TRIO: variants seen among roughly 807,000 people sequenced by gnomAD.
TRIO encodes the protein trio Rho guanine nucleotide exchange factor.
A neutral mutation model predicts 351.9 loss-of-function variants in TRIO; 58 were observed. That is an observed-to-expected ratio of 0.16 (90% CI 0.13 to 0.21). The LOEUF (loss-of-function observed/expected upper bound fraction) is 0.21. Among genes scored for constraint, TRIO ranks in the 10% least tolerant of loss-of-function variants. The pLI, the probability that TRIO is intolerant of heterozygous loss-of-function variation, is 1.00. For missense variants in TRIO, 3,201 were observed against 4,027.8 expected (o/e 0.79, Z 5.56); for synonymous variants, 1,758 against 1,595.7 (o/e 1.10, Z -2.42).
intron 53 of TRIO, 126 bp from the exon 54 acceptor site, chr5:14,502,444 TCCACTCGCA>T: frequency 1.4e-6 from 1 of 706,332 alleles, no homozygotes; most frequent in East Asian, 2.7e-5. Context: ...CCACCACATC[TCCACTCGCA>T]TGAGCCGTGT....
At chr5:14,203,682 G>A (rs1029484430) in intron 1 of TRIO, among the ~76,000 whole-genome samples, 3 of 152,224 alleles carry the variant, frequency 2.0e-5, no homozygotes. Flanking sequence ...TGGGAATGGA[G>A]CCCTTGACGG....
intron 1 of TRIO, among the ~76,000 whole-genome samples, chr5:14,147,379 C>T (rs1490177969): frequency 6.6e-6 from 1 of 152,128 alleles, no homozygotes; most frequent in Non-Finnish European, 1.5e-5. Flanking sequence ...ATTTTTATTG[C>T]CAATCTATTT....
chr5:14,205,082 G>C (rs1276961388), intron 1 of TRIO, among the ~76,000 whole-genome samples: 1 of 152,190 alleles, frequency 6.6e-6, no homozygotes, highest in Non-Finnish European at 1.5e-5. Flanking sequence ...GGTGCAAAGG[G>C]AAGTGCCCAC....
intron 32 of TRIO, 197 bp from the exon 33 acceptor site, chr5:14,406,373 GGAT>G (rs1378594268): frequency 4.1e-5 from 24 of 592,358 alleles, no homozygotes; most frequent in Middle Eastern, 3.9e-4. Flanking sequence ...GAATCCAACA[GGAT>G]GATATGTTTT....
intron 34 of TRIO, among the ~76,000 whole-genome samples, chr5:14,452,090 C>T (rs1485571178): frequency 2.0e-5 from 3 of 152,238 alleles, no homozygotes; most frequent in Non-Finnish European, 4.4e-5. Flanking sequence ...CACATGTGTG[C>T]ATGTTTGGCT....
chr5:14,209,078 T>C (rs1791716971), intron 1 of TRIO, among the ~76,000 whole-genome samples: 2 of 152,232 alleles, frequency 1.3e-5, no homozygotes, highest in Non-Finnish European at 2.9e-5. Flanking sequence ...ATTTTCTGTT[T>C]CATCTAGTCC....
Position 14,172,150 on chromosome 5 carries a change from G to T in TRIO, c.157+28268G>T, listed in dbSNP as rs185130046. On this transcript the variant is annotated intron_variant, in intron 1 of 56. Coordinates refer to ENST00000344204, the MANE Select transcript of TRIO (RefSeq NM_007118.4). ...GCACTGCAGCATTACTAAGCTGTGA[G>T]TTACTTTTGCTTGAAGTCAGTGTCA... 8.5e-5 allele frequency among the ~76,000 whole-genome samples: 13 copies of T among 152,284 alleles called. No individual in the cohort carries two copies. In the East Asian group the frequency reaches 2.3e-3, roughly 27 times the overall value.
At chr5:14,275,257 G>A (rs1315168937) in intron 2 of TRIO, among the ~76,000 whole-genome samples, 13 of 152,120 alleles carry the variant, frequency 8.5e-5, no homozygotes, top group Non-Finnish European at 1.9e-4. Flanking sequence ...ACTACCAAAT[G>A]TAATTTAGTA....
chr5:14,339,957 T>C (rs1561361659), intron 11 of TRIO, among the ~76,000 whole-genome samples: 2 of 152,268 alleles, frequency 1.3e-5, no homozygotes, highest in African/African-American at 4.8e-5. Flanking sequence ...GAAATCATGC[T>C]AATTTGCTAG....
intron 1 of TRIO, among the ~76,000 whole-genome samples, chr5:14,149,702 T>G (rs1787713743): frequency 6.6e-6 from 1 of 152,236 alleles, no homozygotes. Context: ...CTCTTTTCAT[T>G]AGCCACATGT....
chr5:14,430,859 G>A (rs1365132542), intron 34 of TRIO, among the ~76,000 whole-genome samples: 1 of 152,006 alleles, frequency 6.6e-6, no homozygotes, highest in Non-Finnish European at 1.5e-5. Context: ...GGGACCTCAG[G>A]CACCCGCCAC....
chr5:14,458,748 T>C (rs1390451549), intron 34 of TRIO, among the ~76,000 whole-genome samples: 2 of 152,308 alleles, frequency 1.3e-5, no homozygotes, highest in East Asian at 1.9e-4. Flanking sequence ...ATCTGACATA[T>C]AGATTATCCA....
chr5:14,178,807 C>T (rs996001477), intron 1 of TRIO, among the ~76,000 whole-genome samples: 3 of 152,178 alleles, frequency 2.0e-5, no homozygotes, highest in African/African-American at 7.2e-5. Context: ...AGAGTGGTCA[C>T]AGGGGTGCTG....
chr5:14,463,539 T>C (rs1053722266), intron 36 of TRIO, among the ~76,000 whole-genome samples: 1 of 152,172 alleles, frequency 6.6e-6, no homozygotes, highest in Admixed American at 6.5e-5. Context: ...TAAAATTATT[T>C]TGTCAGCCCA....
chr5:14,388,688 GTTTTTT>G lies in TRIO; in HGVS notation c.3948+22_3948+27del. On this transcript the variant is annotated intron_variant, in intron 24 of 56. Coordinates refer to ENST00000344204, the MANE Select transcript of TRIO (RefSeq NM_007118.4). Reference sequence around the variant, plus strand: ...TCCGGGAATGTATGGATGTAAGTAAGTTTTTTTTTTTTTTTTTTGCTTGTTTATTTA... The same window carrying G: ...TCCGGGAATGTATGGATGTAAGTAAGTTTTTTTTTTTTGCTTGTTTATTTA... 5 of 1,440,364 alleles carry G rather than the reference GTTTTTT, an allele frequency of 3.5e-6. No individual in the cohort carries two copies. The highest frequency in any genetic ancestry group is 1.6e-5 in the African/African-American group (1 of 63,216). 89.2% of individuals were successfully genotyped at this position (1,440,364 alleles called of 1,614,324 possible).
chr5:14,492,942 C>T (rs1756598250), intron 49 of TRIO, 128 bp downstream of exon 49: 3 of 1,413,234 alleles, frequency 2.1e-6, no homozygotes, highest in African/African-American at 2.9e-5. Flanking sequence ...TTAGAACAGG[C>T]TCAGCTCTGA....
chr5:14,373,679 G>A (rs946819876), intron 18 of TRIO, among the ~76,000 whole-genome samples: 1 of 152,192 alleles, frequency 6.6e-6, no homozygotes, highest in African/African-American at 2.4e-5. Context: ...AACCAGGGTT[G>A]GCAAGTTCTG....
intron 1 of TRIO, among the ~76,000 whole-genome samples, chr5:14,168,818 C>T (rs574431539): frequency 5.7e-4 from 87 of 152,202 alleles, no homozygotes; most frequent in Non-Finnish European, 6.9e-4. Context: ...CATGTTTCAG[C>T]TTGCTTTTTG....
chr5:14,173,352 A>G (rs164624), intron 1 of TRIO, among the ~76,000 whole-genome samples: 45,095 of 151,554 alleles, frequency 0.3, 6,928 homozygotes, highest in East Asian at 0.48. Context: ...CTGGGACTGC[A>G]GGCATGCACC....
Sources: allele counts gnomAD v4.1 joint callset (sites outside exome capture counted in the v4.1 genomes callset), GRCh38; gene constraint gnomAD v4.1.1; transcripts MANE v1.5; gene names NCBI Gene and HGNC (gene_info 2026-07-23, HGNC 2026-07-21).